The following DNAH9 variants were observed in gnomAD, a reference collection of about 807,000 sequenced individuals.
DNAH9 encodes the protein DNAH9 variant protein.
Under a neutral mutation model 471.6 loss-of-function variants are expected in DNAH9, and 345 were observed. The observed-to-expected ratio is 0.73, with a 90% CI of 0.67 to 0.80. The LOEUF is 0.80. DNAH9 is among the 30% of genes least tolerant of loss of function. The pLI is 0.00. For synonymous variants in DNAH9, 2,093 were observed against 2,123.6 expected (o/e 0.99, Z 0.40); for missense variants, 5,407 against 5,609.2 (o/e 0.96, Z 1.15).
chr17:11,910,407 G>A (rs1225623003), intron 61 of DNAH9, among the ~76,000 whole-genome samples: 1 of 152,264 alleles, frequency 6.6e-6, no homozygotes, highest in East Asian at 1.9e-4. Context: ...TCTTATGGAT[G>A]GGTAATATTC....
intron 26 of DNAH9, among the ~76,000 whole-genome samples, chr17:11,707,611 C>A (rs112484265): frequency 6.6e-6 from 1 of 152,054 alleles, no homozygotes; most frequent in Non-Finnish European, 1.5e-5. Context: ...AACTGCTTCC[C>A]TCTTACTCTG....
At chr17:11,605,115 C>T (rs542739589) in intron 1 of DNAH9, among the ~76,000 whole-genome samples, 14 of 152,264 alleles carry the variant, frequency 9.2e-5, no homozygotes, top group Non-Finnish European at 1.9e-4. Context: ...ATGCTTCCAC[C>T]TCGGGGCCTT....
chr17:11,829,112 G>A (rs929654954), intron 48 of DNAH9, among the ~76,000 whole-genome samples: 10 of 152,174 alleles, frequency 6.6e-5, no homozygotes, highest in Non-Finnish European at 1.2e-4. Flanking sequence ...CTTGGCAATG[G>A]TTATAATAAT....
At chr17:11,671,079 CAAG>C (rs2073964825) in intron 17 of DNAH9, among the ~76,000 whole-genome samples, 1 of 152,176 alleles carries the variant, frequency 6.6e-6, no homozygotes, top group Non-Finnish European at 1.5e-5. Context: ...AACTCAGAGG[CAAG>C]AAGAGGAAAT....
At chr17:11,826,365 G>A (rs9894878) in intron 48 of DNAH9, among the ~76,000 whole-genome samples, 9,347 of 150,702 alleles carry the variant, frequency 0.062, 963 homozygotes, top group African/African-American at 0.22. Flanking sequence ...AGCTGGGGGG[G>A]TAATTTTAGA....
At position 11,711,144 on chromosome 17, in the gene DNAH9, A is replaced by C. The variant is rs547053474; in HGVS notation, c.5552+5959A>C. 2.3e-3 allele frequency among the ~76,000 whole-genome samples: 355 copies of C among 152,104 alleles called. 1 individual carries two copies. The highest frequency in any genetic ancestry group is 4.2e-3 in the Non-Finnish European group (288 of 67,992). ...TTGAGGGAGGTCTCTGATTGGTCCT[A>C]TTTGGATCATGTGCCCATCTCTGAG... On this transcript the variant is annotated intron_variant, in intron 26 of 68. Coordinates refer to ENST00000262442, the MANE Select transcript of DNAH9 (RefSeq NM_001372.4).
intron 67 of DNAH9, among the ~76,000 whole-genome samples, chr17:11,955,619 T>G (rs1256833514): frequency 2.0e-5 from 3 of 152,140 alleles, no homozygotes; most frequent in African/African-American, 7.2e-5. Context: ...TGGCTAAAAT[T>G]TGTTATGGTG....
At chr17:11,726,473 A>G (rs193147975) in intron 27 of DNAH9, among the ~76,000 whole-genome samples, 1 of 152,310 alleles carries the variant, frequency 6.6e-6, no homozygotes, top group East Asian at 1.9e-4. Flanking sequence ...TTCGAAGAGC[A>G]TCTTTCAGGC....
intron 43 of DNAH9, among the ~76,000 whole-genome samples, chr17:11,803,213 T>C (rs1247920959): frequency 6.6e-6 from 1 of 152,240 alleles, no homozygotes; most frequent in African/African-American, 2.4e-5. Context: ...CCAGATCTTT[T>C]CCCCCGCTTT....
In DNAH9 at chr17:11,969,622, G is replaced by A; in HGVS notation, c.*95G>A. 1 of 1,017,418 alleles carries A rather than the reference G, an allele frequency of 9.8e-7. No homozygotes were observed. Among genetic ancestry groups the A allele is most frequent in the Non-Finnish European group, 1.4e-6 (1 of 714,156 alleles). The allele number at this position is 1,017,418 out of a possible 1,614,324, so 63.0% of individuals were successfully genotyped here. ...AGGGTCACCACAGACACTTAGAACG[G>A]TAAGAAACCATGAGCACTCACAATT... On this transcript the variant is annotated 3_prime_UTR_variant, in exon 69 of 69. Coordinates refer to ENST00000262442, the MANE Select transcript of DNAH9 (RefSeq NM_001372.4).
At chr17:11,792,695 T>C (rs189628329) in intron 41 of DNAH9, among the ~76,000 whole-genome samples, 6 of 152,370 alleles carry the variant, frequency 3.9e-5, no homozygotes, top group African/African-American at 1.4e-4. Context: ...TAGCCCTTTG[T>C]TATAGTTCTG....
At chr17:11,950,086 GTAACTT>G (rs1226637277) in intron 67 of DNAH9, among the ~76,000 whole-genome samples, 28 of 152,266 alleles carry the variant, frequency 1.8e-4, no homozygotes, top group African/African-American at 6.3e-4. Flanking sequence ...TATTTTTAGA[GTAACTT>G]TAAGTTCACA....
At chr17:11,860,719 G>T (rs928439571) in intron 50 of DNAH9, among the ~76,000 whole-genome samples, 4 of 152,054 alleles carry the variant, frequency 2.6e-5, no homozygotes, top group African/African-American at 9.7e-5. Context: ...GTGCCACCAT[G>T]CCCGGCTAAT....
chr17:11,813,251 G>A (rs981852249), intron 45 of DNAH9, among the ~76,000 whole-genome samples: 9 of 151,860 alleles, frequency 5.9e-5, no homozygotes, highest in Admixed American at 3.3e-4. Context: ...AAAAAAAAAG[G>A]TAAAATTTGT....
intron 10 of DNAH9, among the ~76,000 whole-genome samples, chr17:11,641,130 C>A (rs1048367033): frequency 2.6e-5 from 4 of 152,010 alleles, no homozygotes; most frequent in East Asian, 1.9e-4. Context: ...GACTCACAGG[C>A]TTTTTGGAGT....
chr17:11,810,321 G>C lies in DNAH9; in HGVS notation c.8659G>C (p.Val2887Leu), dbSNP rs531626368. Reference sequence around the variant, plus strand: ...AGTGTTTCTCATGACTGATGCCCAAGTGGCTGATGAGAGGTTCCTTGTGCT... The same window carrying C: ...AGTGTTTCTCATGACTGATGCCCAACTGGCTGATGAGAGGTTCCTTGTGCT... ...NTVFLMTDAQ[V>L]ADERFLVLIN... Residue 2887 changes from valine (V) to leucine (L), a missense_variant, in exon 45 of 69, where the codon GTG becomes CTG. By Grantham distance (32) the Val-to-Leu change is conservative (BLOSUM62 1). Coordinates refer to ENST00000262442, the MANE Select transcript of DNAH9 (RefSeq NM_001372.4). The C allele has an allele frequency of 6.2e-7, 1 of 1,613,898 alleles. No homozygotes were observed. The highest frequency in any genetic ancestry group is 8.5e-7 in the Non-Finnish European group (1 of 1,179,904).
chr17:11,764,391 G>T (rs1275816563), intron 36 of DNAH9, among the ~76,000 whole-genome samples: 1 of 152,106 alleles, frequency 6.6e-6, no homozygotes, highest in African/African-American at 2.4e-5. Context: ...TAAGAACATG[G>T]ACTCTGTTAG....
At chr17:11,694,627 T>TCGC (rs1567724493) in intron 22 of DNAH9, among the ~76,000 whole-genome samples, 180 bp downstream of exon 22, 1 of 4,020 alleles carries the variant, frequency 2.5e-4, no homozygotes, top group African/African-American at 3.0e-4. Context: ...GCTTTCTTGC[T>TCGC]TTCTTGCTTT....
chr17:11,869,420 T>TA (rs1404587742), intron 51 of DNAH9, among the ~76,000 whole-genome samples, 167 bp downstream of exon 51: 1 of 152,186 alleles, frequency 6.6e-6, no homozygotes, highest in African/African-American at 2.4e-5. Flanking sequence ...TGTGGATGCA[T>TA]AAACCCTAAT....
Sources: allele counts gnomAD v4.1 joint callset (sites outside exome capture counted in the v4.1 genomes callset), GRCh38; gene constraint gnomAD v4.1.1; transcripts MANE v1.5; gene names NCBI Gene and HGNC (gene_info 2026-07-23, HGNC 2026-07-21).